The following GTF2A1L variants were observed in gnomAD, a reference collection of about 807,000 sequenced individuals.
GTF2A1L encodes general transcription factor IIA subunit 1 like, also known as TFIIA-alpha and beta-like factor.
Under a neutral mutation model 49.7 loss-of-function variants are expected in GTF2A1L, and 48 were observed. The ratio of observed to expected loss-of-function variants is 0.97; its 90% confidence interval spans 0.77 to 1.23. GTF2A1L has a LOEUF of 1.23. GTF2A1L is among the 50% of genes most tolerant of loss of function. The pLI, the probability that GTF2A1L is intolerant of heterozygous loss-of-function variation, is 0.00. For missense variants in GTF2A1L, 736 were observed against 564.8 expected, an observed-to-expected ratio of 1.30 and a Z score of -3.07; for synonymous variants, 246 against 193.5, an observed-to-expected ratio of 1.27 and a Z score of -2.25.
chr2:48,669,706 T>C lies in GTF2A1L; in HGVS notation c.979-16T>C. 6.3e-7 allele frequency: 1 copy of C among 1,595,092 alleles called. No homozygotes were observed. Among genetic ancestry groups the C allele is most frequent in the Non-Finnish European group, 8.5e-7 (1 of 1,169,808 alleles). The stretch of plus-strand genomic sequence containing the variant: ...TTATTTGACTTGAACTTTATTGTAT[T>C]TCTTTCTCTTTTTAGGATTCTAATT... On this transcript the variant is annotated splice_polypyrimidine_tract_variant and intron_variant, in intron 6 of 8. Coordinates refer to ENST00000403751, the MANE Select transcript of GTF2A1L (RefSeq NM_006872.5).
At chr2:48,625,459 T>C (rs1368736165) in intron 3 of GTF2A1L, among the ~76,000 whole-genome samples, 1 of 144,630 alleles carries the variant, frequency 6.9e-6, no homozygotes, top group Admixed American at 7.0e-5. Context: ...TTTTGGATAT[T>C]AAGCCCTTTA....
At chr2:48,639,785 G>T (rs1226778130) in intron 3 of GTF2A1L, among the ~76,000 whole-genome samples, 2 of 152,134 alleles carry the variant, frequency 1.3e-5, no homozygotes, top group African/African-American at 2.4e-5. Flanking sequence ...GAAAATATTT[G>T]CAAACTATGT....
intron 8 of GTF2A1L, among the ~76,000 whole-genome samples, chr2:48,678,329 A>G (rs1309423758): frequency 1.3e-5 from 2 of 151,950 alleles, no homozygotes; most frequent in Non-Finnish European, 2.9e-5. Flanking sequence ...GACACGTGCA[A>G]GTGACTGTGC....
At chr2:48,636,415 T>C (rs1676890391) in intron 3 of GTF2A1L, among the ~76,000 whole-genome samples, 1 of 152,244 alleles carries the variant, frequency 6.6e-6, no homozygotes, top group African/African-American at 2.4e-5. Context: ...TTTGTGGTTG[T>C]TCCTGCTGTT....
intron 3 of GTF2A1L, among the ~76,000 whole-genome samples, chr2:48,628,723 G>A (rs1676423533): frequency 7.0e-6 from 1 of 143,704 alleles, no homozygotes; most frequent in Admixed American, 7.1e-5. Context: ...AGTTTAATTA[G>A]GTCTCACTTG....
intron 6 of GTF2A1L, among the ~76,000 whole-genome samples, chr2:48,664,951 C>T (rs1279586704): frequency 6.6e-6 from 1 of 152,036 alleles, no homozygotes; most frequent in African/African-American, 2.4e-5. Flanking sequence ...GACAGAGGCT[C>T]ACTCTGTTGC....
chr2:48,636,477 C>T (rs1005846084), intron 3 of GTF2A1L, among the ~76,000 whole-genome samples: 2 of 151,942 alleles, frequency 1.3e-5, no homozygotes, highest in African/African-American at 4.8e-5. Context: ...ATAAAGTGAC[C>T]ACTTGCAAGG....
At chr2:48,674,504 T>C (rs759648799) in intron 8 of GTF2A1L, among the ~76,000 whole-genome samples, 2 of 152,138 alleles carry the variant, frequency 1.3e-5, no homozygotes, top group Non-Finnish European at 1.5e-5. Context: ...TTTATACAAA[T>C]AGAAAACCGC....
intron 4 of GTF2A1L, 69 bp downstream of exon 4, chr2:48,642,526 G>A (rs1475326573): frequency 6.4e-6 from 9 of 1,396,308 alleles, no homozygotes; most frequent in Admixed American, 1.9e-5. Context: ...GCAAAATGCT[G>A]AACATAGATG....
chr2:48,662,957 G>A (rs1215023017), intron 6 of GTF2A1L, among the ~76,000 whole-genome samples: 1 of 151,978 alleles, frequency 6.6e-6, no homozygotes, highest in Non-Finnish European at 1.5e-5. Context: ...AATACCTGCT[G>A]AGTACTATGC....
In GTF2A1L at chr2:48,677,991, GT is replaced by G; in HGVS notation, c.1330-1343del. 1.3e-5 allele frequency among the ~76,000 whole-genome samples: 2 copies of G among 151,616 alleles called. 1 individual carries two copies. Among genetic ancestry groups the G allele is most frequent in the South Asian group, 4.2e-4 (2 of 4,808 alleles). Reference sequence around the variant, plus strand: ...AACTCTGAGATGGGTGTGTGTGTGTGTGTGTGTGTGTGTGTGTGTAATACAC... The same window carrying G: ...AACTCTGAGATGGGTGTGTGTGTGTGGTGTGTGTGTGTGTGTGTAATACAC... On this transcript the variant is annotated intron_variant, in intron 8 of 8. Coordinates refer to ENST00000403751, the MANE Select transcript of GTF2A1L (RefSeq NM_006872.5).
intron 6 of GTF2A1L, among the ~76,000 whole-genome samples, chr2:48,658,207 T>C (rs979970391): frequency 6.6e-6 from 1 of 152,152 alleles, no homozygotes; most frequent in Non-Finnish European, 1.5e-5. Context: ...GTTTCTCAAG[T>C]TTTTTCTAGG....
chr2:48,663,850 C>T (rs990215464), intron 6 of GTF2A1L, among the ~76,000 whole-genome samples: 2 of 152,056 alleles, frequency 1.3e-5, no homozygotes, highest in African/African-American at 2.4e-5. Flanking sequence ...TGAACTCAAG[C>T]GATCCTTTTG....
At chr2:48,657,308 C>T (rs529381152) in intron 6 of GTF2A1L, among the ~76,000 whole-genome samples, 56 of 152,198 alleles carry the variant, frequency 3.7e-4, no homozygotes, top group Admixed American at 3.3e-3. Flanking sequence ...ACTGGGTGTC[C>T]GTATGTGCCC....
chr2:48,662,650 ATCT>A (rs1360685963), intron 6 of GTF2A1L, among the ~76,000 whole-genome samples: 1 of 124,088 alleles, frequency 8.1e-6, no homozygotes, highest in African/African-American at 3.3e-5. Flanking sequence ...ATCTTGGTTG[ATCT>A]TTTTTTTTTT....
At chr2:48,647,267 A>G (rs1677573372) in intron 6 of GTF2A1L, 1 of 419,278 alleles carries the variant, frequency 2.4e-6, no homozygotes, top group Non-Finnish European at 4.2e-6. Flanking sequence ...TGTACAGATC[A>G]GTAGTGTTAT....
chr2:48,677,210 G>C (rs1251297087), intron 8 of GTF2A1L, among the ~76,000 whole-genome samples: 1 of 151,772 alleles, frequency 6.6e-6, no homozygotes, highest in Non-Finnish European at 1.5e-5. Flanking sequence ...ATTAACTCCA[G>C]AATCAACTTG....
intron 6 of GTF2A1L, among the ~76,000 whole-genome samples, chr2:48,661,685 A>T (rs1188860159): frequency 6.8e-6 from 1 of 147,974 alleles, no homozygotes; most frequent in African/African-American, 2.4e-5. Context: ...ACAGTTTTTG[A>T]CCTAAAATCC....
intron 6 of GTF2A1L, among the ~76,000 whole-genome samples, chr2:48,648,758 G>A (rs1677678736): frequency 6.6e-6 from 1 of 151,926 alleles, no homozygotes; most frequent in Non-Finnish European, 1.5e-5. Flanking sequence ...GTAATATATT[G>A]GGTAACTTTT....
Sources: gnomAD v4.1 joint callset for allele counts (sites outside exome capture counted in the v4.1 genomes callset) on GRCh38, gnomAD v4.1.1 for gene constraint, MANE v1.5 for transcripts, NCBI Gene and HGNC (gene_info 2026-07-23, HGNC 2026-07-21) for gene names.